The following TECPR2 variants were observed in gnomAD, a reference collection of about 807,000 sequenced individuals.
The protein encoded by TECPR2 is tectonin beta-propeller repeat-containing protein 2.
TECPR2 carries 65 observed loss-of-function variants against 138.1 expected under a neutral mutation model. That is an observed-to-expected ratio of 0.47 (90% CI 0.39 to 0.58). The LOEUF is 0.58. TECPR2 is among the 20% of genes least tolerant of loss of function. The pLI is 0.00. For synonymous variants in TECPR2, 746 were observed against 749.8 expected, an observed-to-expected ratio of 0.99 and a Z score of 0.08; for missense variants, 1,553 against 1,824.5, an observed-to-expected ratio of 0.85 and a Z score of 2.71.
At chr14:102,468,499 T>C (rs1249730690) in intron 17 of TECPR2, among the ~76,000 whole-genome samples, 1 of 152,234 alleles carries the variant, frequency 6.6e-6, no homozygotes, top group Non-Finnish European at 1.5e-5. Context: ...TTGAGTTTTA[T>C]ATATGAGTTC....
In TECPR2 at chr14:102,429,026, T is replaced by C. The variant is rs543279082; in HGVS notation, c.1084+644T>C. Among the ~76,000 whole-genome samples, 30 of 152,280 alleles carry C rather than the reference T, an allele frequency of 2.0e-4. 1 individual carries two copies. The highest frequency in any genetic ancestry group is 7.0e-4 in the African/African-American group (29 of 41,574). On this transcript the variant is annotated intron_variant, in intron 7 of 19. Transcript: ENST00000359520. ...TTATGCCAGGCTAATTTTGTATTTT[T>C]AGTAGAGACAGGGTTTCTCCATGTT...
At chr14:102,387,335 G>A (rs1354261523) in intron 2 of TECPR2, among the ~76,000 whole-genome samples, 2 of 152,142 alleles carry the variant, frequency 1.3e-5, no homozygotes, top group Non-Finnish European at 2.9e-5. Context: ...CTGAGAAAAT[G>A]TTGCAAGGAG....
chr14:102,440,597 T>C lies in TECPR2; in HGVS notation c.2740T>C (p.Tyr914His), dbSNP rs771445095. The C allele has an allele frequency of 1.9e-6, 3 of 1,613,780 alleles. No individual in the cohort carries two copies. The highest frequency in any genetic ancestry group is 2.5e-6 in the Non-Finnish European group (3 of 1,179,854). ...AWIIRTSGDL[Y>H]LQTGLSVDRP... The stretch of plus-strand genomic sequence containing the variant: ...GATCATCAGGACCAGTGGGGACCTA[T>C]ACTTGCAGACAGGTAACCGCGGGCC... The change falls in exon 11 of 20, where the codon TAC (tyrosine) becomes CAC (histidine). Residue 914 changes from tyrosine to histidine, a missense_variant. Physicochemically the swap from Tyr to His is moderately conservative, Grantham distance 83 (BLOSUM62 2). Transcript: ENST00000359520.
chr14:102,497,781 T>C, intron 19 of TECPR2, 62 bp downstream of exon 19: 5 of 1,492,476 alleles, frequency 3.4e-6, no homozygotes, highest in Non-Finnish European at 4.5e-6. Flanking sequence ...CTGTGGACGA[T>C]GTCGGGGGGC....
intron 1 of TECPR2, among the ~76,000 whole-genome samples, chr14:102,363,745 C>T (rs114630823): frequency 2.2e-3 from 341 of 152,346 alleles, no homozygotes; most frequent in African/African-American, 7.2e-3. Flanking sequence ...TACCTCACTC[C>T]GCTCCAGTTT....
At chr14:102,372,646 G>A (rs556147428) in intron 1 of TECPR2, among the ~76,000 whole-genome samples, 2 of 152,284 alleles carry the variant, frequency 1.3e-5, no homozygotes, top group African/African-American at 2.4e-5. Flanking sequence ...AAGTCTGGGC[G>A]TGGTAGCTCA....
At chr14:102,399,463 G>T (rs370725905) in intron 2 of TECPR2, among the ~76,000 whole-genome samples, 2 of 152,124 alleles carry the variant, frequency 1.3e-5, no homozygotes, top group South Asian at 4.1e-4. Context: ...GACCTGCCCC[G>T]CAAGAAATAC....
At chr14:102,411,698 TCAAAAAAAAA>T (rs1888871471) in intron 4 of TECPR2, among the ~76,000 whole-genome samples, 1 of 9,688 alleles carries the variant, frequency 1.0e-4, no homozygotes, top group Non-Finnish European at 1.9e-4. Context: ...GCCATGTTGC[TCAAAAAAAAA>T]AAAAAAAAAA....
chr14:102,376,999 G>C lies in TECPR2; in HGVS notation c.219+59G>C, dbSNP rs1039771287. ...ACGAGCCATAGCTGACGCTTAACAT[G>C]CTTGTGTTCTAGGATGAGATAATTT... On this transcript the variant is annotated intron_variant, in intron 2 of 19. Coordinates refer to ENST00000359520, the MANE Select transcript of TECPR2 (RefSeq NM_014844.5). 38 of 1,536,260 alleles carry C rather than the reference G, an allele frequency of 2.5e-5. No homozygotes were observed. The Admixed American group carries it at 5.8e-4, about 23-fold the overall frequency.
At chr14:102,449,890 T>G (rs548693662) in intron 14 of TECPR2, 21 bp downstream of exon 14, 14 of 1,609,440 alleles carry the variant, frequency 8.7e-6, no homozygotes, top group Middle Eastern at 3.3e-4. Context: ...TGCTGTAATT[T>G]TCACACTGGC....
At position 102,474,973 on chromosome 14, in the gene TECPR2, G is replaced by A. The variant is rs147946090; in HGVS notation, c.3789+9684G>A. On this transcript the variant is annotated intron_variant, in intron 17 of 19. Transcript: ENST00000359520. ...GGTTCCTGGTCTCAGGGTAGTCAGT[G>A]GTTGTGCCGGGCCTCCTCAGCCCCT... is the stretch of plus-strand genomic sequence containing the variant. Among the ~76,000 whole-genome samples, 145 of 152,316 alleles carry A rather than the reference G, an allele frequency of 9.5e-4. No individual in the cohort carries two copies. In the East Asian group the frequency reaches 0.022, roughly 23 times the overall value.
At chr14:102,489,177 C>T (rs1891103625) in intron 17 of TECPR2, among the ~76,000 whole-genome samples, 1 of 152,102 alleles carries the variant, frequency 6.6e-6, no homozygotes, top group Non-Finnish European at 1.5e-5. Context: ...CCACTGTGCC[C>T]AACCTAGTTC....
chr14:102,449,709 A>C lies in TECPR2; in HGVS notation c.3156A>C (p.Thr1052=), dbSNP rs757315179. The C allele has an allele frequency of 6.2e-7, 1 of 1,614,206 alleles. No homozygotes were observed. The change falls in exon 14 of 20, where the codon ACA becomes ACC. Residue 1052 remains threonine (T), a synonymous_variant. Transcript: ENST00000359520. The part of the protein sequence containing the change: ...TIIHATHSVA[T]AAQAPVEKVA... ...TCCATGCCACTCACTCGGTGGCCAC[A>C]GCAGCCCAAGCCCCCGTAGAAAAGG...
intron 4 of TECPR2, among the ~76,000 whole-genome samples, chr14:102,409,425 A>G (rs1888758260): frequency 6.6e-6 from 1 of 151,578 alleles, no homozygotes. Flanking sequence ...TCAGCCTCGC[A>G]AGTAGCTGGG....
chr14:102,369,346 C>T (rs1005641701), intron 1 of TECPR2, among the ~76,000 whole-genome samples: 1 of 152,058 alleles, frequency 6.6e-6, no homozygotes, highest in South Asian at 2.1e-4. Context: ...CATCATTTGA[C>T]AGAGCTACTA....
intron 17 of TECPR2, among the ~76,000 whole-genome samples, chr14:102,494,046 T>A (rs1891218073): frequency 6.6e-6 from 1 of 152,156 alleles, no homozygotes; most frequent in Admixed American, 6.5e-5. Flanking sequence ...GCCTCCCATA[T>A]CTGAACCTAG....
rs376123886 is a variant in TECPR2, at chr14:102,498,210, G to A, written c.4189G>A (p.Ala1397Thr). The change falls in exon 20 of 20, where the codon GCC becomes ACC. Residue 1397 changes from alanine to threonine, a missense_variant. By Grantham distance (58) the Ala-to-Thr change is moderately conservative (BLOSUM62 0). Coordinates refer to ENST00000359520, the MANE Select transcript of TECPR2 (RefSeq NM_014844.5). The part of the protein sequence containing the change: ...SHGTQKSSQA[A>T]MPHPEDLEDE... ...CGGCACCCAGAAGAGCAGCCAGGCC[G>A]CCATGCCCCACCCTGAGGACCTGGA... 5.0e-5 allele frequency: 81 copies of A among 1,607,860 alleles called. No individual in the cohort carries two copies. Among genetic ancestry groups the A allele is most frequent in the Admixed American group, 1.7e-4 (10 of 59,996 alleles).
At chr14:102,423,171 G>T (rs925735449) in intron 5 of TECPR2, among the ~76,000 whole-genome samples, 2 of 152,168 alleles carry the variant, frequency 1.3e-5, no homozygotes, top group Non-Finnish European at 2.9e-5. Context: ...AGTGGCTCAT[G>T]CCTGTAATCC....
intron 1 of TECPR2, among the ~76,000 whole-genome samples, chr14:102,371,475 C>T (rs2139650660): frequency 6.6e-6 from 1 of 152,288 alleles, no homozygotes; most frequent in Non-Finnish European, 1.5e-5. Flanking sequence ...CTAAGCTCAT[C>T]CAGAGGCCCC....
Sources: allele counts gnomAD v4.1 joint callset (sites outside exome capture counted in the v4.1 genomes callset), GRCh38; gene constraint gnomAD v4.1.1; transcripts MANE v1.5; gene names NCBI Gene and HGNC (gene_info 2026-07-23, HGNC 2026-07-21).